Variants in GABRA3 observed in about 807,000 individuals in gnomAD.
GABRA3 encodes the protein gamma-aminobutyric acid type A receptor subunit alpha3, also known as gamma-aminobutyric acid receptor subunit alpha-3.
A neutral mutation model predicts 30.1 loss-of-function variants in GABRA3; 10 were observed. That is an observed-to-expected ratio of 0.33 (90% CI 0.20 to 0.56). The LOEUF is 0.56. Among genes scored for constraint, GABRA3 ranks in the 20% least tolerant of loss-of-function variants. The pLI is 0.89. For synonymous variants in GABRA3, 151 were observed against 146.8 expected, an observed-to-expected ratio of 1.03 and a Z score of -0.21; for missense variants, 233 against 392.0, an observed-to-expected ratio of 0.59 and a Z score of 3.42.
intron 7 of GABRA3, among the ~76,000 whole-genome samples, chrX:152,199,517 CT>C (rs1395245813): frequency 1.8e-5 from 2 of 110,845 alleles, no homozygotes; most frequent in Non-Finnish European, 3.8e-5. Context: ...AACTAACCTT[CT>C]TGATGCTTTG....
At chrX:152,450,923 C>T (rs910921549) in intron 1 of GABRA3, among the ~76,000 whole-genome samples, 9 of 112,810 alleles carry the variant, frequency 8.0e-5, no homozygotes, top group African/African-American at 2.9e-4. Flanking sequence ...CACATCGCAA[C>T]CCCCCTTCCT....
At chrX:152,349,620 G>A (rs1310251701) in intron 2 of GABRA3, among the ~76,000 whole-genome samples, 63 of 105,049 alleles carry the variant, frequency 6.0e-4, no homozygotes, top group Non-Finnish European at 8.4e-4. Context: ...GATCTACCAA[G>A]CAAATGGAAA....
At chrX:152,237,728 C>T (rs1462058476) in intron 5 of GABRA3, among the ~76,000 whole-genome samples, 8 of 105,299 alleles carry the variant, frequency 7.6e-5, no homozygotes, top group Non-Finnish European at 1.5e-4. Context: ...AGTTGGATTC[C>T]TAGGTATTTT....
chrX:152,282,488 G>C (rs968407568), intron 4 of GABRA3, among the ~76,000 whole-genome samples: 67 of 112,095 alleles, frequency 6.0e-4, no homozygotes, highest in African/African-American at 2.1e-3. Flanking sequence ...ATTCTGCCTT[G>C]TGACTGGATG....
At chrX:152,310,128 C>G (rs1939777959) in intron 3 of GABRA3, among the ~76,000 whole-genome samples, 3 of 107,407 alleles carry the variant, frequency 2.8e-5, no homozygotes, top group Non-Finnish European at 5.9e-5. Flanking sequence ...CAGCCAGATT[C>G]ATTAAACAAG....
At chrX:152,331,247 C>G (rs1302620994) in intron 3 of GABRA3, among the ~76,000 whole-genome samples, 1 of 108,746 alleles carries the variant, frequency 9.2e-6, no homozygotes, top group Non-Finnish European at 1.9e-5. Context: ...AAGGGACCAT[C>G]TACAGAACTT....
At chrX:152,306,014 G>A (rs1371161039) in intron 3 of GABRA3, among the ~76,000 whole-genome samples, 3 of 111,938 alleles carry the variant, frequency 2.7e-5, no homozygotes, top group African/African-American at 9.7e-5. Context: ...AATTGTAAGT[G>A]TATTAAAAAT....
Position 152,423,242 on chromosome X carries a change from T to C in GABRA3, c.-27+27904A>G, listed in dbSNP as rs138976605. 9.1e-3 allele frequency among the ~76,000 whole-genome samples: 1,017 copies of C among 111,873 alleles called. 5 individuals carry two copies. The highest frequency in any genetic ancestry group is 0.075 in the Middle Eastern group (16 of 212). On this transcript the variant is annotated intron_variant, in intron 1 of 9. Transcript: ENST00000370314. ...CTTGTTGACACTTGGGCACAAATGG[T>C]AAAGAGATTTACTTTTCACTGTAGA...
intron 6 of GABRA3, 87 bp from the exon 7 acceptor site, chrX:152,208,231 A>T: frequency 1.0e-6 from 1 of 986,493 alleles, no homozygotes; most frequent in Middle Eastern, 2.7e-4. Flanking sequence ...GATCGAAATA[A>T]AACTTCCATC....
intron 4 of GABRA3, among the ~76,000 whole-genome samples, chrX:152,273,153 G>C (rs1319133992): frequency 8.9e-6 from 1 of 111,833 alleles, no homozygotes; most frequent in Non-Finnish European, 1.9e-5. Context: ...TTTTTCTAAA[G>C]AAGACATACA....
chrX:152,400,146 A>C (rs181470975), intron 1 of GABRA3, among the ~76,000 whole-genome samples: 71 of 111,533 alleles, frequency 6.4e-4, no homozygotes, highest in African/African-American at 2.2e-3. Context: ...TGTTTTATTA[A>C]TATTAGTTTT....
At chrX:152,415,156 T>G (rs1028565457) in intron 1 of GABRA3, among the ~76,000 whole-genome samples, 3 of 110,924 alleles carry the variant, frequency 2.7e-5, no homozygotes, top group Non-Finnish European at 5.7e-5. Context: ...GCAAACTATA[T>G]ACTTTAGTTA....
intron 1 of GABRA3, among the ~76,000 whole-genome samples, chrX:152,406,960 A>G (rs959052865): frequency 1.2e-4 from 14 of 112,245 alleles, no homozygotes; most frequent in Non-Finnish European, 2.4e-4. Context: ...TTGGAAGTAT[A>G]CAAACACATG....
intron 2 of GABRA3, among the ~76,000 whole-genome samples, chrX:152,348,322 C>T (rs143520874): frequency 3.2e-3 from 352 of 111,264 alleles, no homozygotes; most frequent in African/African-American, 0.011. Flanking sequence ...GACACCAACA[C>T]CAAAGAGAGA....
intron 6 of GABRA3, among the ~76,000 whole-genome samples, chrX:152,213,216 A>G (rs1355118843): frequency 8.9e-6 from 1 of 111,936 alleles, no homozygotes; most frequent in Non-Finnish European, 1.9e-5. Context: ...ATTTCTTTTG[A>G]AATATTGTCA....
At chrX:152,334,295 A>T (rs1213363250) in intron 3 of GABRA3, among the ~76,000 whole-genome samples, 1 of 111,582 alleles carries the variant, frequency 9.0e-6, no homozygotes, top group Non-Finnish European at 1.9e-5. Flanking sequence ...TCTCCCTAAG[A>T]TCAGGAACAA....
At chrX:152,450,470 C>T (rs970937594) in intron 1 of GABRA3, among the ~76,000 whole-genome samples, 4 of 107,354 alleles carry the variant, frequency 3.7e-5, no homozygotes, top group Non-Finnish European at 5.8e-5. Context: ...AGCTTCTCGC[C>T]GGGAAACAAG....
chrX:152,188,502 G>A (rs1354997679), intron 9 of GABRA3, among the ~76,000 whole-genome samples: 3 of 110,309 alleles, frequency 2.7e-5, no homozygotes, highest in Non-Finnish European at 3.8e-5. Context: ...TCCTGGGTGG[G>A]GGGCTAACAG....
chrX:152,182,065 A>G (rs1422276977), intron 9 of GABRA3, among the ~76,000 whole-genome samples: 1 of 109,623 alleles, frequency 9.1e-6, no homozygotes, highest in Non-Finnish European at 1.9e-5. Flanking sequence ...TTGTGATTGT[A>G]ATTAGTTGAG....
Sources: allele counts gnomAD v4.1 joint callset (sites outside exome capture counted in the v4.1 genomes callset), GRCh38; gene constraint gnomAD v4.1.1; transcripts MANE v1.5; gene names NCBI Gene and HGNC (gene_info 2026-07-23, HGNC 2026-07-21).